Variants in SPDL1 observed in about 807,000 individuals in gnomAD.
SPDL1 encodes protein Spindly.
SPDL1 carries 85 observed loss-of-function variants against 79.5 expected under a neutral mutation model. The ratio of observed to expected loss-of-function variants is 1.07; its 90% CI spans 0.90 to 1.28. The LOEUF is 1.28. SPDL1 is among the 50% of genes most tolerant of loss of function. The pLI, the probability that SPDL1 is intolerant of heterozygous loss-of-function variation, is 0.00. For synonymous variants in SPDL1, 269 were observed against 240.3 expected, an observed-to-expected ratio of 1.12 and a Z score of -1.10; for missense variants, 703 against 697.8, an observed-to-expected ratio of 1.01 and a Z score of -0.08.
chr5:169,593,525 C>G lies in SPDL1; in HGVS notation c.508C>G (p.Leu170Val). The change falls in exon 4 of 12, where the codon CTG (leucine) becomes GTG (valine). Residue 170 changes from leucine to valine, a missense_variant. Physicochemically the swap from Leu to Val is conservative, Grantham distance 32 (BLOSUM62 1). Coordinates refer to ENST00000265295, the MANE Select transcript of SPDL1 (RefSeq NM_017785.5). Reference protein sequence around the residue: ...SSEMLALQIELTEMESMKTTL... With the variant: ...SSEMLALQIEVTEMESMKTTL... ...AGAGATGCTGGCTCTTCAAATTGAG[C>G]TGACAGAAATGGAGAGTATGAAGGT... 1 of 1,610,558 alleles carries G rather than the reference C, an allele frequency of 6.2e-7. No individual in the cohort carries two copies. The highest frequency in any genetic ancestry group is 1.1e-5 in the South Asian group (1 of 89,916).
At chr5:169,602,765 T>C (rs1365830105) in intron 11 of SPDL1, among the ~76,000 whole-genome samples, 1 of 152,200 alleles carries the variant, frequency 6.6e-6, no homozygotes, top group East Asian at 1.9e-4. Context: ...CTGAGTCACA[T>C]AAAATAAAAG....
chr5:169,588,635 T>C (rs955077568), intron 2 of SPDL1, 60 bp downstream of exon 2: 1 of 1,461,004 alleles, frequency 6.8e-7, no homozygotes, highest in East Asian at 2.4e-5. Context: ...ATTTGTCCTG[T>C]TTAGCAATTA....
intron 4 of SPDL1, 99 bp downstream of exon 4, chr5:169,593,647 T>C: frequency 1.6e-6 from 2 of 1,246,830 alleles, no homozygotes; most frequent in Non-Finnish European, 2.2e-6. Flanking sequence ...GTTTGAAGGC[T>C]GAAACATTTT....
intron 1 of SPDL1, among the ~76,000 whole-genome samples, chr5:169,584,636 T>C (rs1364024085): frequency 6.6e-6 from 1 of 152,200 alleles, no homozygotes; most frequent in Non-Finnish European, 1.5e-5. Context: ...GTGTCCCAAA[T>C]GCTTTGTGTG....
chr5:169,588,352 T>G (rs910930220), intron 1 of SPDL1, 42 bp from the exon 2 acceptor site: 1 of 1,392,110 alleles, frequency 7.2e-7, no homozygotes, highest in Non-Finnish European at 9.8e-7. Flanking sequence ...TGCATGGAGT[T>G]TTTTGTATAA....
chr5:169,601,224 G>T, intron 10 of SPDL1, 56 bp from the exon 11 acceptor site: 1 of 1,494,976 alleles, frequency 6.7e-7, no homozygotes, highest in Non-Finnish European at 9.0e-7. Context: ...TTCTTGTGTT[G>T]ATTGTGTCTT....
intron 1 of SPDL1, among the ~76,000 whole-genome samples, chr5:169,585,016 C>CAAAAAAAAAAAAAAAAAAA (rs11415643): frequency 7.2e-6 from 1 of 138,268 alleles, no homozygotes; most frequent in African/African-American, 2.7e-5. Flanking sequence ...GACTCCGTCT[C>CAAAAAAAAAAAAAAAAAAA]AAAAAAAAAA....
At chr5:169,594,704 G>T (rs778850402) in intron 7 of SPDL1, 23 bp downstream of exon 7, 1 of 1,559,386 alleles carries the variant, frequency 6.4e-7, no homozygotes, top group South Asian at 1.1e-5. Flanking sequence ...CACTATCAAA[G>T]GTTTATTAAA....
At position 169,595,685 on chromosome 5, in the gene SPDL1, G is replaced by A. The variant is rs188525637; in HGVS notation, c.892-876G>A. The A allele has an allele frequency of 1.2e-4, 19 of 152,114 alleles. 1 individual carries two copies. The highest frequency in any genetic ancestry group is 8.5e-4 in the Admixed American group (13 of 15,266). The allele number at this position is 152,114 out of a possible 1,614,324, so 9.4% of individuals were successfully genotyped here. A position where few individuals can be genotyped will look rare whatever the true frequency, so the allele number is the denominator to read the frequency against. ...AGTATTTCTTTATAAATTTTCTCAC[G>A]TTTACTTTAGTTTTCTTACAGTATT... On this transcript the variant is annotated intron_variant, in intron 7 of 11. Coordinates refer to ENST00000265295, the MANE Select transcript of SPDL1 (RefSeq NM_017785.5).
At chr5:169,591,296 A>T in intron 3 of SPDL1, 72 bp downstream of exon 3, 1 of 1,500,188 alleles carries the variant, frequency 6.7e-7, no homozygotes, top group African/African-American at 1.4e-5. Flanking sequence ...TTAGATGATA[A>T]AGATTTTCTT....
At chr5:169,602,602 C>A (rs1173797824) in intron 11 of SPDL1, among the ~76,000 whole-genome samples, 1 of 19,226 alleles carries the variant, frequency 5.2e-5, no homozygotes, top group African/African-American at 1.4e-4. Context: ...TTTAAAAGGG[C>A]TTATATGTTT....
chr5:169,597,791 CTT>C (rs1266108876), intron 8 of SPDL1, among the ~76,000 whole-genome samples: 1 of 152,074 alleles, frequency 6.6e-6, no homozygotes, highest in Non-Finnish European at 1.5e-5. Flanking sequence ...GTTTACATAA[CTT>C]TATTTCTGTG....
chr5:169,603,668 A>G (rs1171309777), intron 11 of SPDL1, among the ~76,000 whole-genome samples: 1 of 152,098 alleles, frequency 6.6e-6, no homozygotes, highest in East Asian at 1.9e-4. Flanking sequence ...ATCCTGACCA[A>G]CGTGGTGAAA....
At chr5:169,587,426 T>G (rs1446858272) in intron 1 of SPDL1, 1 of 152,244 alleles carries the variant, frequency 6.6e-6, no homozygotes, top group African/African-American at 2.4e-5. Flanking sequence ...GGATAATTAG[T>G]AAGGTTGATT....
In SPDL1 at chr5:169,601,539, G is replaced by A. The variant is rs774785170; in HGVS notation, c.1584G>A (p.Lys528=). Residue 528 remains lysine (K), a synonymous_variant, in exon 11 of 12, where the codon AAG becomes AAA. Coordinates refer to ENST00000265295, the MANE Select transcript of SPDL1 (RefSeq NM_017785.5). ...KNLPVDMQLK[K]EKKCVKLIGV... ...TGCCCGTGGATATGCAGCTGAAGAA[G>A]GAAAAGAAATGTGTGAAACTCATAG... 1 of 1,614,084 alleles carries A rather than the reference G, an allele frequency of 6.2e-7. No individual in the cohort carries two copies. Among genetic ancestry groups the A allele is most frequent in the Non-Finnish European group, 8.5e-7 (1 of 1,180,016 alleles).
chr5:169,586,895 A>T (rs1466742670), intron 1 of SPDL1, among the ~76,000 whole-genome samples: 5 of 152,192 alleles, frequency 3.3e-5, no homozygotes, highest in Non-Finnish European at 7.3e-5. Flanking sequence ...AGACTTTGGA[A>T]TGACTTCCCA....
At chr5:169,587,656 C>CT (rs2113321384) in intron 1 of SPDL1, among the ~76,000 whole-genome samples, 1 of 152,158 alleles carries the variant, frequency 6.6e-6, no homozygotes, top group South Asian at 2.1e-4. Context: ...CTTACTTTAC[C>CT]TTATGAGCCT....
At chr5:169,592,132 CTAT>C (rs1037107537) in intron 3 of SPDL1, among the ~76,000 whole-genome samples, 1 of 151,378 alleles carries the variant, frequency 6.6e-6, no homozygotes, top group African/African-American at 2.4e-5. Context: ...TGTATACCAC[CTAT>C]ACTATTACTT....
rs1755472208 is a variant in SPDL1, at chr5:169,594,380, T to C, written c.682-14T>C. The stretch of plus-strand genomic sequence containing the variant: ...GTAATCTCTGTTGCCTAAATTGTTT[T>C]CTTTTGAATTTAGAAAGCTCGTGTA... On this transcript the variant is annotated splice_polypyrimidine_tract_variant and intron_variant, in intron 5 of 11. Coordinates refer to ENST00000265295, the MANE Select transcript of SPDL1 (RefSeq NM_017785.5). The C allele has an allele frequency of 6.2e-7, 1 of 1,613,324 alleles. No individual in the cohort carries two copies. The highest frequency in any genetic ancestry group is 1.3e-5 in the African/African-American group (1 of 74,886).
Sources: allele counts gnomAD v4.1 joint callset (sites outside exome capture counted in the v4.1 genomes callset), GRCh38; gene constraint gnomAD v4.1.1; transcripts MANE v1.5; gene names NCBI Gene and HGNC (gene_info 2026-07-23, HGNC 2026-07-21).